Variants in POM121C observed in about 807,000 individuals in gnomAD.
POM121C encodes nuclear envelope pore membrane protein POM 121C.
Under a neutral mutation model 66.4 loss-of-function variants are expected in POM121C, and 20 were observed. That is an observed-to-expected ratio of 0.30 (90% CI 0.21 to 0.44). The LOEUF (loss-of-function observed/expected upper bound fraction) is 0.44, where lower values mean the gene tolerates loss of function less well. POM121C is among the 20% of genes least tolerant of loss of function. POM121C has a pLI of 1.00. For synonymous variants in POM121C, 286 were observed against 528.0 expected (o/e 0.54, Z 6.28); for missense variants, 580 against 1,225.7 (o/e 0.47, Z 7.87).
chr7:75,434,086 T>A (rs1268309964), intron 7 of POM121C, among the ~76,000 whole-genome samples: 1 of 152,164 alleles, frequency 6.6e-6, no homozygotes, highest in East Asian at 1.9e-4. Context: ...CTATTTTACA[T>A]TCAAAACTTT....
At chr7:75,425,474 G>T in intron 9 of POM121C, 161 bp downstream of exon 9, 2 of 1,325,616 alleles carry the variant, frequency 1.5e-6, no homozygotes, top group South Asian at 3.0e-5. Context: ...TCCCTCATCA[G>T]ACTATAAACT....
intron 4 of POM121C, 114 bp downstream of exon 4, chr7:75,441,318 A>G: frequency 7.2e-7 from 1 of 1,392,890 alleles, no homozygotes; most frequent in South Asian, 1.3e-5. Context: ...TCTCATTCAA[A>G]CAAGCAGATT....
At chr7:75,421,288 T>G in intron 13 of POM121C, 2 of 1,285,832 alleles carry the variant, frequency 1.6e-6, no homozygotes, top group Non-Finnish European at 2.1e-6. Context: ...CAGCTTACAA[T>G]TGTTAAGTAC....
intron 7 of POM121C, among the ~76,000 whole-genome samples, chr7:75,435,063 C>CT (rs1407096540): frequency 1.3e-5 from 2 of 152,192 alleles, no homozygotes; most frequent in Non-Finnish European, 2.9e-5. Context: ...TGACCGGAAT[C>CT]TGACTTCTAG....
intron 7 of POM121C, among the ~76,000 whole-genome samples, chr7:75,430,994 T>C (rs1447925721): frequency 1.4e-5 from 2 of 138,092 alleles, no homozygotes; most frequent in Non-Finnish European, 3.0e-5. Flanking sequence ...GAGAATGGCG[T>C]GAACCCGGGA....
At chr7:75,475,914 A>G (rs1220864952) in intron 1 of POM121C, among the ~76,000 whole-genome samples, 2 of 151,946 alleles carry the variant, frequency 1.3e-5, no homozygotes, top group East Asian at 1.9e-4. Flanking sequence ...TGTGTATTCT[A>G]TGGGATGAAG....
intron 3 of POM121C, among the ~76,000 whole-genome samples, chr7:75,466,632 TG>T (rs1262338824): frequency 2.1e-5 from 3 of 141,998 alleles, no homozygotes; most frequent in African/African-American, 7.8e-5. Context: ...AAAAAAAAAA[TG>T]TAAGAGTAGA....
intron 7 of POM121C, among the ~76,000 whole-genome samples, chr7:75,435,419 TAG>T (rs1176504148): frequency 6.6e-6 from 1 of 152,124 alleles, no homozygotes; most frequent in Non-Finnish European, 1.5e-5. Flanking sequence ...AGGAAAAATG[TAG>T]AGTGGAAAGG....
intron 3 of POM121C, among the ~76,000 whole-genome samples, chr7:75,448,343 C>G (rs1554475147): frequency 6.6e-6 from 1 of 152,240 alleles, no homozygotes; most frequent in African/African-American, 2.4e-5. Flanking sequence ...AAATCTGGAT[C>G]TACACAAAGG....
chr7:75,480,909 T>C (rs1195539281), intron 1 of POM121C, among the ~76,000 whole-genome samples: 3 of 151,920 alleles, frequency 2.0e-5, no homozygotes, highest in African/African-American at 7.2e-5. Context: ...ATAAATTTCC[T>C]GAATTCAATT....
intron 7 of POM121C, among the ~76,000 whole-genome samples, chr7:75,431,155 TA>T (rs1416676979): frequency 2.2e-5 from 3 of 136,698 alleles, no homozygotes; most frequent in Non-Finnish European, 4.7e-5. Context: ...AAATAGCCAA[TA>T]AACAGTTGGT....
chr7:75,424,475 G>C, intron 11 of POM121C, 51 bp downstream of exon 11: 1 of 1,590,020 alleles, frequency 6.3e-7, no homozygotes, highest in Non-Finnish European at 8.6e-7. Context: ...TAAAACCAAA[G>C]AAAACAGACA....
chr7:75,423,673 A>C (rs390023), intron 12 of POM121C, among the ~76,000 whole-genome samples: 1 of 151,324 alleles, frequency 6.6e-6, no homozygotes, highest in Admixed American at 6.6e-5. Flanking sequence ...AGCAGCCCTC[A>C]AAGTGCTGGA....
intron 3 of POM121C, among the ~76,000 whole-genome samples, chr7:75,463,089 G>A (rs1554477265): frequency 6.6e-6 from 1 of 152,156 alleles, no homozygotes; most frequent in Non-Finnish European, 1.5e-5. Context: ...TTGGGAGGCT[G>A]AGGCGGGTAG....
In POM121C at chr7:75,463,617, C is replaced by G. The variant is rs587745228; in HGVS notation, c.-152+11087G>C. Among the ~76,000 whole-genome samples the G allele has an allele frequency of 5.9e-5, 9 of 151,932 alleles. No individual in the cohort carries two copies. In the East Asian group the frequency reaches 1.5e-3, roughly 26 times the overall value. ...AAAGTCACTGAACAAACAGCTACAG[C>G]CCACAGCAAAAGCAAACCCAGGGGT... On this transcript the variant is annotated intron_variant, in intron 3 of 14. Coordinates refer to ENST00000615331, the MANE Select transcript of POM121C (RefSeq NM_001099415.3).
intron 5 of POM121C, among the ~76,000 whole-genome samples, chr7:75,440,260 G>A (rs1173228072): frequency 1.3e-5 from 2 of 151,798 alleles, no homozygotes; most frequent in African/African-American, 2.4e-5. Flanking sequence ...ATTTCCTTCA[G>A]CACAATTAAG....
intron 3 of POM121C, chr7:75,442,756 A>C: frequency 7.6e-7 from 1 of 1,313,022 alleles, no homozygotes; most frequent in Non-Finnish European, 9.7e-7. Flanking sequence ...TAAATATCCC[A>C]GCGTGCACCG....
chr7:75,438,253 G>A (rs185129274), intron 6 of POM121C, among the ~76,000 whole-genome samples: 30 of 152,278 alleles, frequency 2.0e-4, no homozygotes, highest in African/African-American at 7.0e-4. Context: ...AGTGACCCAC[G>A]TCAACCATGA....
At position 75,417,650 on chromosome 7, in the gene POM121C, T is replaced by A. The variant is rs1789522781; in HGVS notation, c.*1146A>T. On this transcript the variant is annotated 3_prime_UTR_variant, in exon 15 of 15. Transcript: ENST00000615331. ...TAGGTTTTCTAACATCTACTTTGGG[T>A]GACGTAGCCTCCAGTGAGGTCAGTT... The A allele has an allele frequency of 1.0e-6, 1 of 985,472 alleles. No homozygotes were observed. Among genetic ancestry groups the A allele is most frequent in the Admixed American group, 6.2e-5 (1 of 16,248 alleles). 61.0% of individuals were successfully genotyped at this position (985,472 alleles called of 1,614,324 possible).
Sources: gnomAD v4.1 joint callset for allele counts (sites outside exome capture counted in the v4.1 genomes callset) on GRCh38, gnomAD v4.1.1 for gene constraint, MANE v1.5 for transcripts, NCBI Gene and HGNC (gene_info 2026-07-23, HGNC 2026-07-21) for gene names.